The following PPP3CA variants were observed in gnomAD, a reference collection of about 807,000 sequenced individuals.
PPP3CA encodes CAM-PRP catalytic subunit.
In PPP3CA, 14 loss-of-function variants were observed where a neutral mutation model predicts 66.5. That is an observed-to-expected ratio of 0.21 (90% CI 0.14 to 0.33). The LOEUF (loss-of-function observed/expected upper bound fraction) is 0.33, where lower values mean the gene tolerates loss of function less well. Ranked by LOEUF, PPP3CA falls within the 10% of genes least tolerant of loss-of-function variation. PPP3CA has a pLI of 1.00. For missense variants in PPP3CA, 317 were observed against 639.5 expected (o/e 0.50, Z 5.44); for synonymous variants, 232 against 226.2 (o/e 1.03, Z -0.23).
At chr4:101,274,415 G>A (rs1221074068) in intron 1 of PPP3CA, among the ~76,000 whole-genome samples, 1 of 151,928 alleles carries the variant, frequency 6.6e-6, no homozygotes, top group Non-Finnish European at 1.5e-5. Flanking sequence ...TATTTCAGCT[G>A]TTAATTGGGC....
intron 1 of PPP3CA, among the ~76,000 whole-genome samples, chr4:101,247,217 A>G (rs1726514979): frequency 6.6e-6 from 1 of 150,598 alleles, no homozygotes; most frequent in African/African-American, 2.5e-5. Flanking sequence ...GCTGGAGTGC[A>G]GTGGTGCAAT....
intron 10 of PPP3CA, among the ~76,000 whole-genome samples, chr4:101,044,529 A>G (rs1460497913): frequency 1.3e-5 from 2 of 152,214 alleles, no homozygotes; most frequent in Non-Finnish European, 2.9e-5. Context: ...ATAATCACTT[A>G]TTTCAACTTG....
chr4:101,028,146 T>C (rs1263421547), intron 13 of PPP3CA, among the ~76,000 whole-genome samples: 1 of 152,194 alleles, frequency 6.6e-6, no homozygotes, highest in African/African-American at 2.4e-5. Flanking sequence ...GCACTTTTTG[T>C]ATCACACCAA....
At chr4:101,230,329 T>C (rs1341277658) in intron 1 of PPP3CA, among the ~76,000 whole-genome samples, 1 of 151,160 alleles carries the variant, frequency 6.6e-6, no homozygotes, top group Non-Finnish European at 1.5e-5. Context: ...ACAGACTTTA[T>C]ATCATTAATT....
intron 2 of PPP3CA, among the ~76,000 whole-genome samples, chr4:101,173,857 T>A (rs2110317630): frequency 6.6e-6 from 1 of 152,080 alleles, no homozygotes. Flanking sequence ...TTGAAACCAG[T>A]CTAGGCAGCA....
intron 2 of PPP3CA, among the ~76,000 whole-genome samples, chr4:101,195,312 G>T (rs1279398635): frequency 6.6e-6 from 1 of 151,802 alleles, no homozygotes; most frequent in Non-Finnish European, 1.5e-5. Flanking sequence ...AATGCTACGG[G>T]CAAAAGAGAA....
chr4:101,189,228 C>T (rs1402567498), intron 2 of PPP3CA, among the ~76,000 whole-genome samples: 8 of 152,092 alleles, frequency 5.3e-5, no homozygotes, highest in African/African-American at 1.9e-4. Context: ...TAGAGGTTTT[C>T]GTATATTTCC....
At chr4:101,115,237 G>T (rs951516772) in intron 2 of PPP3CA, among the ~76,000 whole-genome samples, 4 of 151,952 alleles carry the variant, frequency 2.6e-5, no homozygotes, top group African/African-American at 9.7e-5. Flanking sequence ...CCTAAAACCA[G>T]TGTGCTTCTA....
At position 101,095,628 on chromosome 4, in the gene PPP3CA, T is replaced by G. The variant is rs572074964; in HGVS notation, c.643-1713A>C. The stretch of plus-strand genomic sequence containing the variant: ...AAAAAAAATCCATCAGATTACAGAA[T>G]GAGCTAGTTATATTCATGCAGAAAG... On this transcript the variant is annotated intron_variant, in intron 5 of 13. Coordinates refer to ENST00000394854, the MANE Select transcript of PPP3CA (RefSeq NM_000944.5). Among the ~76,000 whole-genome samples the G allele has an allele frequency of 2.7e-3, 409 of 152,292 alleles. 2 individuals carry two copies. The highest frequency in any genetic ancestry group is 4.4e-3 in the Non-Finnish European group (297 of 68,030).
intron 1 of PPP3CA, among the ~76,000 whole-genome samples, chr4:101,243,580 A>G (rs1726381130): frequency 6.6e-6 from 1 of 152,202 alleles, no homozygotes; most frequent in Non-Finnish European, 1.5e-5. Context: ...ACATTGTATT[A>G]AGGATTATAA....
chr4:101,292,640 TCC>T (rs1728066323), intron 1 of PPP3CA, among the ~76,000 whole-genome samples: 3 of 152,184 alleles, frequency 2.0e-5, no homozygotes, highest in Admixed American at 6.5e-5. Context: ...GCCACAGAAC[TCC>T]TTAATCAGGC....
chr4:101,130,029 G>A (rs1722378288), intron 2 of PPP3CA, among the ~76,000 whole-genome samples: 1 of 151,952 alleles, frequency 6.6e-6, no homozygotes, highest in African/African-American at 2.4e-5. Flanking sequence ...TTGCTAACTA[G>A]AATAACCAGT....
At chr4:101,198,155 G>A (rs1475527097) in intron 1 of PPP3CA, among the ~76,000 whole-genome samples, 4 of 152,154 alleles carry the variant, frequency 2.6e-5, no homozygotes, top group Non-Finnish European at 4.4e-5. Flanking sequence ...GAGAAAAAGA[G>A]GAAATTAGGT....
chr4:101,211,727 G>A (rs775046710), intron 1 of PPP3CA, among the ~76,000 whole-genome samples: 1 of 152,102 alleles, frequency 6.6e-6, no homozygotes, highest in Non-Finnish European at 1.5e-5. Flanking sequence ...TTCCCTCTCA[G>A]ACTGGCCTGT....
chr4:101,260,832 C>T (rs1578605093), intron 1 of PPP3CA, among the ~76,000 whole-genome samples: 1 of 152,246 alleles, frequency 6.6e-6, no homozygotes. Context: ...TTAACATTGT[C>T]ACCTACTTTC....
intron 6 of PPP3CA, among the ~76,000 whole-genome samples, chr4:101,087,958 C>T (rs1326055521): frequency 1.3e-5 from 2 of 152,140 alleles, no homozygotes; most frequent in South Asian, 2.1e-4. Context: ...CATGATGCCG[C>T]TTTCCCCGCC....
intron 11 of PPP3CA, 119 bp downstream of exon 11, chr4:101,040,362 AG>A (rs1257980030): frequency 1.4e-6 from 1 of 716,596 alleles, no homozygotes; most frequent in Non-Finnish European, 2.1e-6. Flanking sequence ...TTAATCTAAA[AG>A]GAAAAAAAGA....
At chr4:101,248,551 A>T (rs2850956) in intron 1 of PPP3CA, among the ~76,000 whole-genome samples, 139,353 of 152,268 alleles carry the variant, frequency 0.92, 63,951 homozygotes, top group African/African-American at 0.97. Flanking sequence ...CTATAAATTC[A>T]ACTGCTCTGG....
At chr4:101,329,946 C>T (rs1026929293) in intron 1 of PPP3CA, among the ~76,000 whole-genome samples, 3 of 152,080 alleles carry the variant, frequency 2.0e-5, no homozygotes, top group African/African-American at 7.2e-5. Context: ...ACACAGCACC[C>T]ATTCTGCAGT....
Sources: gnomAD v4.1 joint callset for allele counts (sites outside exome capture counted in the v4.1 genomes callset) on GRCh38, gnomAD v4.1.1 for gene constraint, MANE v1.5 for transcripts, NCBI Gene and HGNC (gene_info 2026-07-23, HGNC 2026-07-21) for gene names.